Variants in CDH13 observed in about 807,000 individuals in gnomAD.
CDH13 encodes the protein cadherin 13.
A neutral mutation model predicts 63.8 loss-of-function variants in CDH13; 24 were observed. That is an observed-to-expected ratio of 0.38 (90% CI 0.27 to 0.53). CDH13 has a LOEUF of 0.53. Ranked by LOEUF, CDH13 falls within the 20% of genes least tolerant of loss-of-function variation. CDH13 has a pLI of 0.85. For missense variants in CDH13, 1,049 were observed against 903.1 expected (o/e 1.16, Z -2.07); for synonymous variants, 503 against 355.3 (o/e 1.42, Z -4.67).
At chr16:82,997,316 G>C (rs1342565935) in intron 2 of CDH13, among the ~76,000 whole-genome samples, 2 of 152,180 alleles carry the variant, frequency 1.3e-5, no homozygotes, top group African/African-American at 4.8e-5. Flanking sequence ...TCAGTATTGT[G>C]ATTGACCCTA....
chr16:83,000,210 A>G (rs2151421477), intron 2 of CDH13, among the ~76,000 whole-genome samples: 1 of 124,104 alleles, frequency 8.1e-6, no homozygotes, highest in South Asian at 2.7e-4. Flanking sequence ...AGGAATATCC[A>G]CAGGTTTAGC....
At chr16:83,439,792 G>T (rs140574400) in intron 6 of CDH13, among the ~76,000 whole-genome samples, 1 of 152,198 alleles carries the variant, frequency 6.6e-6, no homozygotes, top group Non-Finnish European at 1.5e-5. Flanking sequence ...TCCCAGGCCA[G>T]CTCCTGGAGG....
At chr16:82,959,420 C>A (rs929103282) in intron 2 of CDH13, among the ~76,000 whole-genome samples, 2 of 152,164 alleles carry the variant, frequency 1.3e-5, no homozygotes, top group African/African-American at 4.8e-5. Flanking sequence ...CTTAAAGCAA[C>A]CCATGGATGT....
chr16:83,088,390 A>T (rs9940957), intron 3 of CDH13, among the ~76,000 whole-genome samples: 6 of 152,132 alleles, frequency 3.9e-5, no homozygotes, highest in African/African-American at 1.2e-4. Context: ...TTTGGACGCA[A>T]TTTGCAATCC....
intron 7 of CDH13, among the ~76,000 whole-genome samples, chr16:83,523,386 C>T (rs1280265520): frequency 6.6e-6 from 1 of 152,226 alleles, no homozygotes; most frequent in Non-Finnish European, 1.5e-5. Flanking sequence ...CTAGCCCATG[C>T]TCTTCAATCC....
At chr16:82,773,458 A>T (rs971401212) in intron 1 of CDH13, 6 of 152,236 alleles carry the variant, frequency 3.9e-5, no homozygotes, top group Non-Finnish European at 7.3e-5. Flanking sequence ...GGAGGAAATA[A>T]TAGGTGGACT....
At chr16:82,736,839 C>G (rs969102537) in intron 1 of CDH13, among the ~76,000 whole-genome samples, 1 of 152,190 alleles carries the variant, frequency 6.6e-6, no homozygotes, top group African/African-American at 2.4e-5. Flanking sequence ...GGGGTTCCCA[C>G]ACCTGGTCAG....
chr16:83,083,250 C>G (rs1435436229), intron 3 of CDH13, among the ~76,000 whole-genome samples: 2 of 152,190 alleles, frequency 1.3e-5, no homozygotes, highest in African/African-American at 4.8e-5. Context: ...AAGAGCCCAA[C>G]TGGTGTTTTT....
chr16:83,009,217 G>C (rs1913865705), intron 2 of CDH13, among the ~76,000 whole-genome samples: 1 of 152,202 alleles, frequency 6.6e-6, no homozygotes, highest in Non-Finnish European at 1.5e-5. Context: ...TGGGTCTTTT[G>C]ATATTAGCAT....
At chr16:83,565,750 A>G (rs907953293) in intron 7 of CDH13, among the ~76,000 whole-genome samples, 1 of 149,450 alleles carries the variant, frequency 6.7e-6, no homozygotes, top group African/African-American at 2.5e-5. Context: ...CTGATTTATT[A>G]TTTTCTGATA....
At chr16:83,619,388 G>A (rs1451636976) in intron 8 of CDH13, among the ~76,000 whole-genome samples, 1 of 152,200 alleles carries the variant, frequency 6.6e-6, no homozygotes, top group Non-Finnish European at 1.5e-5. Context: ...CTCAGGGAGG[G>A]CTTCTCAGAG....
chr16:82,705,221 C>A (rs758890436), intron 1 of CDH13: 87 of 452,580 alleles, frequency 1.9e-4, no homozygotes, highest in Non-Finnish European at 3.6e-4. Flanking sequence ...AGGTATATAG[C>A]ACATGAGAGG....
At chr16:83,180,036 C>T (rs2038284630) in intron 4 of CDH13, among the ~76,000 whole-genome samples, 2 of 152,104 alleles carry the variant, frequency 1.3e-5, no homozygotes, top group African/African-American at 4.8e-5. Flanking sequence ...ATTTCCCTCT[C>T]TTAAAAGTAA....
intron 4 of CDH13, among the ~76,000 whole-genome samples, chr16:83,185,041 A>G (rs1034957091): frequency 4.6e-5 from 7 of 152,040 alleles, no homozygotes; most frequent in African/African-American, 1.7e-4. Context: ...ACCTATCTAT[A>G]TATTTATGAT....
chr16:82,739,399 C>T (rs553745344), intron 1 of CDH13, among the ~76,000 whole-genome samples: 1 of 152,132 alleles, frequency 6.6e-6, no homozygotes, highest in African/African-American at 2.4e-5. Context: ...CTTTCTTAGT[C>T]CCTGAGTCTT....
chr16:83,110,670 A>G (rs2151620189), intron 3 of CDH13, among the ~76,000 whole-genome samples: 1 of 152,276 alleles, frequency 6.6e-6, no homozygotes, highest in African/African-American at 2.4e-5. Flanking sequence ...TAGTATGGTA[A>G]TACAGATAGA....
intron 3 of CDH13, among the ~76,000 whole-genome samples, chr16:83,076,819 C>A (rs898400140): frequency 3.3e-5 from 5 of 152,098 alleles, no homozygotes; most frequent in Non-Finnish European, 7.4e-5. Flanking sequence ...TACTATGAAA[C>A]CCACAAAGCT....
At chr16:83,092,699 T>C (rs1023163177) in intron 3 of CDH13, among the ~76,000 whole-genome samples, 15 of 152,352 alleles carry the variant, frequency 9.8e-5, no homozygotes, top group African/African-American at 3.6e-4. Context: ...TTTTGAGTTG[T>C]TGGAAATTCA....
At chr16:83,348,072 C>G (rs1442925979) in intron 6 of CDH13, among the ~76,000 whole-genome samples, 1 of 152,054 alleles carries the variant, frequency 6.6e-6, no homozygotes, top group Non-Finnish European at 1.5e-5. Context: ...TGCCTGTAAT[C>G]CCAGCTAGTC....
Sources: allele counts gnomAD v4.1 joint callset (sites outside exome capture counted in the v4.1 genomes callset), GRCh38; gene constraint gnomAD v4.1.1; transcripts MANE v1.5; gene names NCBI Gene and HGNC (gene_info 2026-07-23, HGNC 2026-07-21).